Variants in ARFGEF1 observed in about 807,000 individuals in gnomAD.
The protein encoded by ARFGEF1 is ARF guanine nucleotide exchange factor 1.
ARFGEF1 carries 42 observed loss-of-function variants against 231.0 expected under a neutral mutation model. That is an observed-to-expected ratio of 0.18 (90% CI 0.14 to 0.24). The LOEUF (loss-of-function observed/expected upper bound fraction) is 0.24, where lower values mean the gene tolerates loss of function less well. ARFGEF1 is among the 10% of genes least tolerant of loss of function. The pLI, the probability that ARFGEF1 is intolerant of heterozygous loss-of-function variation, is 1.00. For missense variants in ARFGEF1, 1,345 were observed against 2,192.0 expected, an observed-to-expected ratio of 0.61 and a Z score of 7.72; for synonymous variants, 710 against 732.3, an observed-to-expected ratio of 0.97 and a Z score of 0.49.
intron 22 of ARFGEF1, among the ~76,000 whole-genome samples, chr8:67,234,782 G>A (rs1316176683): frequency 6.6e-6 from 1 of 152,008 alleles, no homozygotes; most frequent in Non-Finnish European, 1.5e-5. Context: ...AGAACATACT[G>A]AAATAGGAAA....
chr8:67,342,098 G>A (rs1377967168), intron 1 of ARFGEF1, among the ~76,000 whole-genome samples: 1 of 152,100 alleles, frequency 6.6e-6, no homozygotes, highest in Non-Finnish European at 1.5e-5. Flanking sequence ...TTTCAAGAAT[G>A]CTTTTTTGTA....
intron 4 of ARFGEF1, among the ~76,000 whole-genome samples, chr8:67,297,872 T>G (rs1189901519): frequency 6.6e-6 from 1 of 150,946 alleles, no homozygotes; most frequent in Non-Finnish European, 1.5e-5. Context: ...GCAGTGAACA[T>G]GGCTCACTGC....
rs1839323320 is a variant in ARFGEF1, at chr8:67,225,016, T to G, written c.4095A>C (p.Thr1365=). Residue 1365 remains threonine, a synonymous_variant, in exon 29 of 39, where the codon ACA becomes ACC. Transcript: ENST00000262215. ...CAGGTGCTACGTTCATATCATCGCTTGTGTATTCCTTGAAAGCCTTCAAGA... is the reference window on the plus strand; with the variant it reads ...CAGGTGCTACGTTCATATCATCGCTGGTGTATTCCTTGAAAGCCTTCAAGA... ...SDRPQAFKEY[T]SDDMNVAPED... is the part of the protein sequence containing the mutation. 1.3e-6 allele frequency: 2 copies of G among 1,597,294 alleles called. No individual in the cohort carries two copies. Among genetic ancestry groups the G allele is most frequent in the Non-Finnish European group, 1.7e-6 (2 of 1,172,994 alleles).
intron 1 of ARFGEF1, among the ~76,000 whole-genome samples, chr8:67,319,502 C>CAAAA (rs34386557): frequency 9.6e-6 from 1 of 103,644 alleles, no homozygotes; most frequent in Non-Finnish European, 2.1e-5. Context: ...CACCCATTTG[C>CAAAA]AAAAAAAAAA....
chr8:67,266,186 T>G lies in ARFGEF1; in HGVS notation c.1943A>C (p.Gln648Pro). 1 of 1,613,644 alleles carries G rather than the reference T, an allele frequency of 6.2e-7. No homozygotes were observed. Among genetic ancestry groups the G allele is most frequent in the Non-Finnish European group, 8.5e-7 (1 of 1,179,758 alleles). The stretch of plus-strand genomic sequence containing the variant: ...AGGGTGTTTGATTTCACTCATCTCT[T>G]GCTCTGAGGGTTTTTCCTGACCTGA... ...TTLGQEKPSE[Q>P]EMSEIKHPET... The change falls in exon 14 of 39, where the codon CAA becomes CCA. Residue 648 changes from glutamine to proline, a missense_variant. By Grantham distance (76) the Gln-to-Pro change is moderately conservative. Coordinates refer to ENST00000262215, the MANE Select transcript of ARFGEF1 (RefSeq NM_006421.5).
chr8:67,328,163 T>G (rs1807928461), intron 1 of ARFGEF1, among the ~76,000 whole-genome samples: 1 of 152,024 alleles, frequency 6.6e-6, no homozygotes, highest in South Asian at 2.1e-4. Flanking sequence ...ATTAGCAGAG[T>G]TGCTGTTTTA....
At chr8:67,218,201 A>AT (rs1374468030) in intron 30 of ARFGEF1, 63 bp from the exon 31 acceptor site, 105 of 180,570 alleles carry the variant, frequency 5.8e-4, no homozygotes, top group African/African-American at 8.6e-4. Flanking sequence ...TAAAAAAAAA[A>AT]AAAAAAATAT....
At chr8:67,301,817 A>T (rs1806504626) in intron 2 of ARFGEF1, among the ~76,000 whole-genome samples, 1 of 152,220 alleles carries the variant, frequency 6.6e-6, no homozygotes, top group African/African-American at 2.4e-5. Context: ...TCCAAATATG[A>T]ATCAAAGTCT....
intron 14 of ARFGEF1, among the ~76,000 whole-genome samples, chr8:67,263,396 CTGA>C (rs2128892231): frequency 6.6e-6 from 1 of 152,338 alleles, no homozygotes; most frequent in East Asian, 1.9e-4. Flanking sequence ...AAACAGAAAT[CTGA>C]TGATGCTACT....
intron 8 of ARFGEF1, 114 bp downstream of exon 8, chr8:67,277,168 T>TAAAAGTTTCTTATTTCCCCA (rs1206697025): frequency 1.8e-6 from 2 of 1,084,922 alleles, no homozygotes; most frequent in Non-Finnish European, 2.6e-6. Context: ...TTCCCCAAAC[T>TAAAAGTTTCTTATTTCCCCA]AAATAAAAAT....
intron 1 of ARFGEF1, among the ~76,000 whole-genome samples, chr8:67,338,056 T>C (rs1345476085): frequency 1.3e-5 from 2 of 152,228 alleles, no homozygotes; most frequent in Non-Finnish European, 2.9e-5. Context: ...CCCCAAATTA[T>C]TTCCCATTCA....
At chr8:67,328,340 T>A (rs921706089) in intron 1 of ARFGEF1, among the ~76,000 whole-genome samples, 1 of 152,340 alleles carries the variant, frequency 6.6e-6, no homozygotes, top group South Asian at 2.1e-4. Context: ...TAATTTTTTA[T>A]CTTTAATATT....
In ARFGEF1 at chr8:67,198,336, A is replaced by T; in HGVS notation, c.*598T>A. 2 of 984,256 alleles carry T rather than the reference A, an allele frequency of 2.0e-6. No individual in the cohort carries two copies. The highest frequency in any genetic ancestry group is 2.4e-6 in the Non-Finnish European group (2 of 828,460). 61.0% of individuals were successfully genotyped at this position (984,256 alleles called of 1,614,324 possible). A position where few individuals can be genotyped will look rare whatever the true frequency, so the allele number is the denominator to read the frequency against. On this transcript the variant is annotated 3_prime_UTR_variant, in exon 39 of 39. Transcript: ENST00000262215. The stretch of plus-strand genomic sequence containing the variant: ...GTATTTAGCAAATGAATAAGAAAAT[A>T]AAGAAAACAGTGCAGGAAGAACTAT...
At position 67,242,126 on chromosome 8, in the gene ARFGEF1, G is replaced by C. The variant is rs1039028266; in HGVS notation, c.2851-1836C>G. ...ATGTTCTGGGGCCCTAAATAAACCT[G>C]AAAGTCAGTCTAGGCCACAAGGACT... On this transcript the variant is annotated intron_variant, in intron 19 of 38. Coordinates refer to ENST00000262215, the MANE Select transcript of ARFGEF1 (RefSeq NM_006421.5). Among the ~76,000 whole-genome samples the C allele has an allele frequency of 5.3e-5, 8 of 152,294 alleles. 1 individual carries two copies. In the South Asian group the frequency reaches 6.2e-4, roughly 12 times the overall value.
chr8:67,342,593 C>T (rs1438457245), intron 1 of ARFGEF1, among the ~76,000 whole-genome samples: 1 of 152,022 alleles, frequency 6.6e-6, no homozygotes, highest in African/African-American at 2.4e-5. Context: ...TACAATATTA[C>T]TCTATGTTTT....
At chr8:67,274,973 A>C (rs559772634) in intron 9 of ARFGEF1, among the ~76,000 whole-genome samples, 38 of 152,100 alleles carry the variant, frequency 2.5e-4, no homozygotes, top group Non-Finnish European at 5.1e-4. Context: ...TCTGGGACTA[A>C]AGGATGTTTC....
At chr8:67,204,641 A>C in intron 35 of ARFGEF1, 39 bp downstream of exon 35, 1 of 1,588,334 alleles carries the variant, frequency 6.3e-7, no homozygotes, top group East Asian at 2.2e-5. Flanking sequence ...CTAACTTCCT[A>C]CTTACACAAA....
intron 10 of ARFGEF1, 35 bp from the exon 11 acceptor site, chr8:67,267,477 G>GT (rs768657684): frequency 1.5e-6 from 2 of 1,349,760 alleles, no homozygotes; most frequent in Admixed American, 3.6e-5. Flanking sequence ...TTAAAATATT[G>GT]TTTAGAATTC....
At chr8:67,202,249 T>C (rs1048352323) in intron 36 of ARFGEF1, among the ~76,000 whole-genome samples, 2 of 152,076 alleles carry the variant, frequency 1.3e-5, no homozygotes, top group African/African-American at 4.8e-5. Context: ...CATAATTATA[T>C]TTCTTTCTTT....
Sources: gnomAD v4.1 joint callset for allele counts (sites outside exome capture counted in the v4.1 genomes callset) on GRCh38, gnomAD v4.1.1 for gene constraint, MANE v1.5 for transcripts, NCBI Gene and HGNC (gene_info 2026-07-23, HGNC 2026-07-21) for gene names.